SOS1: variants seen among roughly 807,000 people sequenced by gnomAD.
The protein encoded by SOS1 is son of sevenless homolog 1.
In SOS1, 25 loss-of-function variants were observed where a neutral mutation model predicts 157.6. The ratio of observed to expected loss-of-function variants is 0.16; its 90% CI spans 0.12 to 0.22. The LOEUF (loss-of-function observed/expected upper bound fraction) is 0.22. SOS1 is among the 10% of genes least tolerant of loss of function. The probability of loss-of-function intolerance (pLI) is 1.00; values close to 1 mark genes in which losing one functional copy is unlikely to be tolerated. For synonymous variants in SOS1, 528 were observed against 534.0 expected (o/e 0.99, Z 0.16); for missense variants, 1,237 against 1,599.1 (o/e 0.77, Z 3.86).
intron 1 of SOS1, among the ~76,000 whole-genome samples, chr2:39,104,282 C>CAAAT (rs761160552): frequency 2.1e-5 from 3 of 141,056 alleles, no homozygotes; most frequent in South Asian, 2.1e-4. Context: ...GACTTCATCT[C>CAAAT]AAATAAATAA....
chr2:39,099,762 CAG>C (rs1364017223), intron 1 of SOS1, among the ~76,000 whole-genome samples: 1 of 152,074 alleles, frequency 6.6e-6, no homozygotes, highest in East Asian at 1.9e-4. Flanking sequence ...GTTTTGGAGA[CAG>C]AGTCTCACTC....
At chr2:39,025,412 C>T (rs530442619) in intron 8 of SOS1, among the ~76,000 whole-genome samples, 2 of 151,602 alleles carry the variant, frequency 1.3e-5, no homozygotes, top group South Asian at 2.1e-4. Context: ...TGCAGCGGTG[C>T]AATCTCAGCT....
rs886041696 is a variant in SOS1 at position 39,054,692 on chromosome 2, T to C, written c.642A>G (p.Gln214=). The C allele has an allele frequency of 6.2e-7, 1 of 1,600,096 alleles. No homozygotes were observed. The highest frequency in any genetic ancestry group is 8.6e-7 in the Non-Finnish European group (1 of 1,167,364). ...TAATTAGATTTAGTTCCCTTATATA[T>C]TGTCGAATTTCTGCCATAAATGCTT... ...LVKAFMAEIR[Q]YIRELNLIIK... The change falls in exon 5 of 23, where the codon CAA becomes CAG. Residue 214 remains glutamine (Q), a synonymous_variant. Transcript: ENST00000402219.
In SOS1 at chr2:39,000,345, T is replaced by C. The variant is rs149821708; in HGVS notation, c.2792-2920A>G. On this transcript the variant is annotated intron_variant, in intron 17 of 22. Coordinates refer to ENST00000402219, the MANE Select transcript of SOS1 (RefSeq NM_005633.4). ...CTCGCTTTCTCCCTATATACACATA[T>C]ATAGTTTAATAAAAACATAGCGTAT... 2.0e-3 allele frequency among the ~76,000 whole-genome samples: 307 copies of C among 152,310 alleles called. 3 individuals are homozygous for C. Among genetic ancestry groups the C allele is most frequent in the African/African-American group, 6.8e-3 (284 of 41,560 alleles).
intron 10 of SOS1, among the ~76,000 whole-genome samples, chr2:39,019,123 A>G (rs1669716570): frequency 1.3e-5 from 2 of 151,788 alleles, no homozygotes; most frequent in South Asian, 4.1e-4. Context: ...TTCTGGCTTA[A>G]GTTTTTTCAA....
chr2:39,032,355 A>G (rs1670190937), intron 8 of SOS1, among the ~76,000 whole-genome samples: 1 of 152,202 alleles, frequency 6.6e-6, no homozygotes, highest in Admixed American at 6.5e-5. Flanking sequence ...TACTATTAAT[A>G]GCTAAACTTA....
intron 1 of SOS1, among the ~76,000 whole-genome samples, chr2:39,105,135 ACAAAT>A (rs1250174693): frequency 6.6e-6 from 1 of 152,234 alleles, no homozygotes; most frequent in Non-Finnish European, 1.5e-5. Flanking sequence ...GCATTCCATT[ACAAAT>A]TACTGAGCCG....
At chr2:39,042,891 A>G (rs1490066416) in intron 6 of SOS1, among the ~76,000 whole-genome samples, 3 of 152,026 alleles carry the variant, frequency 2.0e-5, no homozygotes, top group East Asian at 3.8e-4. Flanking sequence ...CTTTTATCCA[A>G]TAGCTATAAT....
chr2:38,988,161 G>A (rs1002720620), intron 21 of SOS1, among the ~76,000 whole-genome samples: 2 of 152,234 alleles, frequency 1.3e-5, no homozygotes, highest in Admixed American at 6.5e-5. Flanking sequence ...CCCTTTGCCT[G>A]TAAGCAAAAA....
chr2:38,997,756 T>G (rs976446708), intron 17 of SOS1, among the ~76,000 whole-genome samples: 4 of 152,088 alleles, frequency 2.6e-5, no homozygotes, highest in African/African-American at 9.7e-5. Context: ...AATTAATAGA[T>G]TTGTTAGGAA....
At position 39,022,642 on chromosome 2, in the gene SOS1, C is replaced by G; in HGVS notation, c.1786G>C (p.Ala596Pro). The change falls in exon 10 of 23, where the codon GCT becomes CCT. Residue 596 changes from alanine (A) to proline (P), a missense_variant. By Grantham distance (27) the Ala-to-Pro change is conservative (BLOSUM62 -1). Transcript: ENST00000402219. Reference protein sequence around the residue: ...IIFEENMQPKAGIPIIKAGTV... With the variant: ...IIFEENMQPKPGIPIIKAGTV... ...CCTGCTTTGATAATTGGAATTCCAG[C>G]CTTGGGCTGCATGTTCTCTTCAAAT... 2 of 1,613,350 alleles carry G rather than the reference C, an allele frequency of 1.2e-6. No homozygotes were observed. Among genetic ancestry groups the G allele is most frequent in the Non-Finnish European group, 1.7e-6 (2 of 1,179,390 alleles).
Position 39,067,647 on chromosome 2 carries a change from C to T in SOS1, c.194G>A (p.Arg65Gln). 7.4e-6 allele frequency: 12 copies of T among 1,613,462 alleles called. No homozygotes were observed. Among genetic ancestry groups the T allele is most frequent in the Non-Finnish European group, 1.0e-5 (12 of 1,179,474 alleles). Residue 65 changes from arginine (R) to glutamine (Q), a missense_variant, in exon 2 of 23, where the codon CGA becomes CAA. Arg to Gln is a conservative substitution (Grantham distance 43). Around this residue, in one of 15 missense-constraint regions of SOS1, gnomAD observed 99 missense variants for 81.6 expected, o/e 1.21. Transcript: ENST00000402219. ...LLNMLCQAQP[R>Q]SASDVEERVQ... ...TCATACCTCTACATCTGAAGCACTT[C>T]GGGGCTGAGCTTGGCATAGCATATT... is the stretch of plus-strand genomic sequence containing the variant.
intron 2 of SOS1, among the ~76,000 whole-genome samples, chr2:39,063,199 T>C (rs750102391): frequency 6.6e-6 from 1 of 152,138 alleles, no homozygotes; most frequent in South Asian, 2.1e-4. Context: ...CATAGCTTCC[T>C]GCAGCCTTGA....
At chr2:39,023,942 T>C (rs1669878574) in intron 9 of SOS1, 68 bp downstream of exon 9, 2 of 1,108,108 alleles carry the variant, frequency 1.8e-6, no homozygotes, top group African/African-American at 1.5e-5. Context: ...AGGAGGGAAC[T>C]GGGATCCCTG....
intron 15 of SOS1, 98 bp from the exon 16 acceptor site, chr2:39,007,291 G>T (rs41280637): frequency 1.8e-5 from 15 of 810,970 alleles, no homozygotes; most frequent in Non-Finnish European, 3.2e-5. Flanking sequence ...GAGAGTAGGG[G>T]GGTGGCGATA....
chr2:39,008,599 A>AG (rs1296417142), intron 15 of SOS1, among the ~76,000 whole-genome samples: 1 of 152,212 alleles, frequency 6.6e-6, no homozygotes, highest in Non-Finnish European at 1.5e-5. Flanking sequence ...GACGGCTGAG[A>AG]GGAGCCCTCC....
Position 38,985,743 on chromosome 2 carries a change from C to T in SOS1, c.*81G>A, listed in dbSNP as rs1310124102. The T allele has an allele frequency of 2.5e-5, 38 of 1,534,630 alleles. No individual in the cohort carries two copies. Among genetic ancestry groups the T allele is most frequent in the Non-Finnish European group, 1.3e-5 (15 of 1,111,900 alleles). On this transcript the variant is annotated 3_prime_UTR_variant, in exon 23 of 23. Transcript: ENST00000402219. ...GTGTTTGGAGTTCTCATTTTAACTCCTCAGTGCTGGCACATTCAGTGCATC... is the reference window on the plus strand; with the variant it reads ...GTGTTTGGAGTTCTCATTTTAACTCTTCAGTGCTGGCACATTCAGTGCATC...
chr2:39,067,767 G>C lies in SOS1; in HGVS notation c.88-14C>G, dbSNP rs727504900. 4 of 1,609,692 alleles carry C rather than the reference G, an allele frequency of 2.5e-6. No individual in the cohort carries two copies. The highest frequency in any genetic ancestry group is 3.4e-6 in the Non-Finnish European group (4 of 1,176,350). On this transcript the variant is annotated splice_polypyrimidine_tract_variant and intron_variant, in intron 1 of 22. Coordinates refer to ENST00000402219, the MANE Select transcript of SOS1 (RefSeq NM_005633.4). ...TTGCCCCTGGACCTATAAACAAAAA[G>C]CAAAGTAATTAAAATGTGGGTTCCA...
intron 17 of SOS1, among the ~76,000 whole-genome samples, chr2:39,002,737 A>G (rs1442678947): frequency 6.6e-6 from 1 of 152,100 alleles, no homozygotes; most frequent in East Asian, 1.9e-4. Context: ...TTCCAGGAAG[A>G]GAAAATCAAT....
Sources: gnomAD v4.1 joint callset for allele counts (sites outside exome capture counted in the v4.1 genomes callset) on GRCh38, gnomAD v4.1.1 for gene constraint, gnomAD v4.1.1 regional missense constraint, MANE v1.5 for transcripts, NCBI Gene and HGNC (gene_info 2026-07-23, HGNC 2026-07-21) for gene names.